PLXNA2: variants seen among roughly 807,000 people sequenced by gnomAD.
PLXNA2 encodes the protein plexin A2, also known as plexin-A2.
PLXNA2 carries 91 observed loss-of-function variants against 193.5 expected under a neutral mutation model. That is an observed-to-expected ratio of 0.47 (90% CI 0.40 to 0.56). The LOEUF (loss-of-function observed/expected upper bound fraction) is 0.56, where lower values mean the gene tolerates loss of function less well. PLXNA2 is among the 20% of genes least tolerant of loss of function. The pLI, the probability that PLXNA2 is intolerant of heterozygous loss-of-function variation, is 0.00. For missense variants in PLXNA2, 1,995 were observed against 2,503.2 expected (o/e 0.80, Z 4.33); for synonymous variants, 997 against 1,027.3 (o/e 0.97, Z 0.56).
At chr1:208,035,921 C>A (rs577304242) in intron 26 of PLXNA2, among the ~76,000 whole-genome samples, 1 of 152,172 alleles carries the variant, frequency 6.6e-6, no homozygotes, top group Non-Finnish European at 1.5e-5. Context: ...TCTGCAGAAG[C>A]CTGGGAAGTT....
intron 2 of PLXNA2, among the ~76,000 whole-genome samples, chr1:208,214,359 G>A (rs145393409): frequency 1.5e-4 from 23 of 152,230 alleles, no homozygotes; most frequent in East Asian, 1.2e-3. Context: ...TTTTAAAGAC[G>A]AAAAATTTAC....
At chr1:208,210,196 T>C in intron 3 of PLXNA2, 84 bp downstream of exon 3, 1 of 1,455,976 alleles carries the variant, frequency 6.9e-7, no homozygotes, top group African/African-American at 1.4e-5. Flanking sequence ...TATAGTTAAA[T>C]CTCCACCAAT....
At position 208,038,364 on chromosome 1, in the gene PLXNA2, C is replaced by CT; in HGVS notation, c.4764+6dup. On this transcript the variant is annotated splice_region_variant and intron_variant, in intron 26 of 31. Transcript: ENST00000367033. The surrounding 1 kb of genome is among the most constrained non-coding windows in gnomAD (Gnocchi z 4.1). ...AGCTGAAGAGGGGAAAAGACACCCC[C>CT]TCTCACCTGATAATGCATCAGTGTG... The CT allele has an allele frequency of 6.3e-7, 1 of 1,588,886 alleles. No homozygotes were observed.
At position 208,152,942 on chromosome 1, in the gene PLXNA2, T is replaced by TAGG. The variant is rs1668817639; in HGVS notation, c.1372-10480_1372-10479insCCT. ...CCACGAAGCCTGCACCAATCTTTCC[T>TAGG]TGGAACTCCCATAGCACCTAGAATG... On this transcript the variant is annotated intron_variant, in intron 3 of 31. Coordinates refer to ENST00000367033, the MANE Select transcript of PLXNA2 (RefSeq NM_025179.4). 6.6e-5 allele frequency among the ~76,000 whole-genome samples: 10 copies of TAGG among 152,082 alleles called. 1 individual carries two copies. The South Asian group carries it at 2.1e-3, about 32-fold the overall frequency.
At chr1:208,209,394 G>A (rs575970834) in intron 3 of PLXNA2, among the ~76,000 whole-genome samples, 13 of 152,352 alleles carry the variant, frequency 8.5e-5, no homozygotes, top group African/African-American at 3.1e-4. Context: ...GTGAGATGCA[G>A]TGAGGTCTTG....
At chr1:208,209,190 G>T (rs1259293575) in intron 3 of PLXNA2, among the ~76,000 whole-genome samples, 2 of 152,138 alleles carry the variant, frequency 1.3e-5, no homozygotes, top group Non-Finnish European at 2.9e-5. Flanking sequence ...AGCCTGGAGG[G>T]TTTAGCACTG....
chr1:208,176,400 G>C (rs1669661913), intron 3 of PLXNA2, among the ~76,000 whole-genome samples: 1 of 152,162 alleles, frequency 6.6e-6, no homozygotes, highest in African/African-American at 2.4e-5. Flanking sequence ...GGGTTTCCAG[G>C]CTACAAACAA....
chr1:208,165,292 T>C (rs1356214211), intron 3 of PLXNA2, among the ~76,000 whole-genome samples: 4 of 152,176 alleles, frequency 2.6e-5, no homozygotes, highest in Non-Finnish European at 4.4e-5. Context: ...GAGGAAATAA[T>C]AGTACCCTGT....
chr1:208,044,444 G>C lies in PLXNA2; in HGVS notation c.3874+64C>G, dbSNP rs555898978. The C allele has an allele frequency of 7.0e-6, 8 of 1,138,912 alleles. No homozygotes were observed. The Admixed American group carries it at 1.4e-4, about 20-fold the overall frequency. 70.6% of individuals were successfully genotyped at this position (1,138,912 alleles called of 1,614,324 possible). ...AGTAAAGATAGGAGTTGTCTGCAGG[G>C]AGAAGGGCAATAAGGCAGGTGGAGA... On this transcript the variant is annotated intron_variant, in intron 20 of 31. Transcript: ENST00000367033. This position sits in a 1 kb window ranked among gnomAD's most constrained non-coding sequence, Gnocchi z 4.9.
At chr1:208,051,769 T>G (rs1417790039) in intron 15 of PLXNA2, among the ~76,000 whole-genome samples, 1 of 152,234 alleles carries the variant, frequency 6.6e-6, no homozygotes, top group Non-Finnish European at 1.5e-5. Flanking sequence ...GAGCACCTAC[T>G]GTACATAGCA....
rs1352860039 is a variant in PLXNA2 at position 208,082,894 on chromosome 1, A to T, written c.2299-386T>A. ...AGCCCAGCTCAGCTCTACTTTCCCC[A>T]GGAGTCCTCTCCCACAACCCTGCAG... On this transcript the variant is annotated intron_variant, in intron 10 of 31. Coordinates refer to ENST00000367033, the MANE Select transcript of PLXNA2 (RefSeq NM_025179.4). This position sits in a 1 kb window ranked among gnomAD's most constrained non-coding sequence, Gnocchi z 4.2. 6.6e-6 allele frequency among the ~76,000 whole-genome samples: 1 copy of T among 152,102 alleles called. No homozygotes were observed. Among genetic ancestry groups the T allele is most frequent in the Non-Finnish European group, 1.5e-5 (1 of 68,000 alleles).
chr1:208,042,502 C>T, intron 21 of PLXNA2, 136 bp from the exon 22 acceptor site: 3 of 815,120 alleles, frequency 3.7e-6, no homozygotes, highest in Admixed American at 2.8e-5. Context: ...CCAACCCCAC[C>T]CCATTCCACT....
At chr1:208,179,516 C>A (rs1443519499) in intron 3 of PLXNA2, among the ~76,000 whole-genome samples, 1 of 152,188 alleles carries the variant, frequency 6.6e-6, no homozygotes, top group Non-Finnish European at 1.5e-5. Context: ...GCAGCACTCA[C>A]TCCCCTTCTC....
chr1:208,067,586 T>A (rs974897297), intron 12 of PLXNA2, among the ~76,000 whole-genome samples: 12 of 152,298 alleles, frequency 7.9e-5, no homozygotes, highest in African/African-American at 2.6e-4. Context: ...TAATCTTTTA[T>A]ATCATATTTT....
At position 208,182,299 on chromosome 1, in the gene PLXNA2, G is replaced by A. The variant is rs186178343; in HGVS notation, c.1371+27981C>T. On this transcript the variant is annotated intron_variant, in intron 3 of 31. Coordinates refer to ENST00000367033, the MANE Select transcript of PLXNA2 (RefSeq NM_025179.4). ...CATACAAAAATTAGCCGGGCATGGTGGTGCCTGCCTATAATCCCAGCTACT... is the reference window on the plus strand; with the variant it reads ...CATACAAAAATTAGCCGGGCATGGTAGTGCCTGCCTATAATCCCAGCTACT... 5.2e-3 allele frequency among the ~76,000 whole-genome samples: 786 copies of A among 152,282 alleles called. 4 individuals carry two copies. The highest frequency in any genetic ancestry group is 0.01 in the Middle Eastern group (3 of 294).
rs756299412 is a variant in PLXNA2 at position 208,033,034 on chromosome 1, C to CTTT, written c.5055+282_5055+284dup. ...GGAACTGGACTATCTCTCTCTCTCT[C>CTTT]TTTTTTTTTTTCCAATTTTGTCCTC... is the stretch of plus-strand genomic sequence containing the variant. On this transcript the variant is annotated intron_variant, in intron 28 of 31. Coordinates refer to ENST00000367033, the MANE Select transcript of PLXNA2 (RefSeq NM_025179.4). Among the ~76,000 whole-genome samples, 256 of 146,688 alleles carry CTTT rather than the reference C, an allele frequency of 1.7e-3. 2 individuals carry two copies. The highest frequency in any genetic ancestry group is 2.9e-3 in the Non-Finnish European group (193 of 66,612).
At chr1:208,027,508 A>ATATATGTATATATATGTATATGTATG (rs2102294170) in intron 31 of PLXNA2, among the ~76,000 whole-genome samples, 170 bp from the exon 32 acceptor site, 1 of 152,268 alleles carries the variant, frequency 6.6e-6, no homozygotes, top group East Asian at 1.9e-4. Flanking sequence ...ACACACCTAT[A>ATATATGTATATATATGTATATGTATG]TATATGTATG....
At chr1:208,046,294 G>A (rs1352957703) in intron 17 of PLXNA2, among the ~76,000 whole-genome samples, 177 bp from the exon 18 acceptor site, 1 of 152,204 alleles carries the variant, frequency 6.6e-6, no homozygotes, top group African/African-American at 2.4e-5. Flanking sequence ...GGGGAGTGGG[G>A]GGCATTTTAG....
chr1:208,186,062 A>C (rs1188032223), intron 3 of PLXNA2, among the ~76,000 whole-genome samples: 1 of 152,158 alleles, frequency 6.6e-6, no homozygotes, highest in Non-Finnish European at 1.5e-5. Context: ...TTTCTGAGGG[A>C]GTTATCACTA....
Sources: allele counts gnomAD v4.1 joint callset (sites outside exome capture counted in the v4.1 genomes callset), GRCh38; gene constraint gnomAD v4.1.1; non-coding constraint Gnocchi (gnomAD v3.1); transcripts MANE v1.5; gene names NCBI Gene and HGNC (gene_info 2026-07-23, HGNC 2026-07-21).